BPTF: variants seen among roughly 807,000 people sequenced by gnomAD.
BPTF encodes bromodomain PHD finger transcription factor, also known as nucleosome-remodeling factor subunit BPTF.
A neutral mutation model predicts 292.5 loss-of-function variants in BPTF; 18 were observed. That is an observed-to-expected ratio of 0.06 (90% CI 0.04 to 0.09). The LOEUF (loss-of-function observed/expected upper bound fraction) is 0.09. BPTF is among the 10% of genes least tolerant of loss of function. The probability of loss-of-function intolerance (pLI) is 1.00; values close to 1 mark genes in which losing one functional copy is unlikely to be tolerated. For missense variants in BPTF, 2,726 were observed against 3,498.7 expected (o/e 0.78, Z 5.57); for synonymous variants, 1,225 against 1,251.9 (o/e 0.98, Z 0.45).
intron 12 of BPTF, 125 bp downstream of exon 12, chr17:67,918,963 G>T (rs1034818090): frequency 2.0e-4 from 195 of 974,110 alleles, no homozygotes; most frequent in African/African-American, 3.4e-5. Context: ...ATGAGGTCAG[G>T]AGATCCTGAC....
Position 67,940,549 on chromosome 17 carries a change from G to A in BPTF, c.6370G>A (p.Ala2124Thr). 1 of 1,614,044 alleles carries A rather than the reference G, an allele frequency of 6.2e-7. No homozygotes were observed. Among genetic ancestry groups the A allele is most frequent in the South Asian group, 1.1e-5 (1 of 91,078 alleles). Reference sequence around the variant, plus strand: ...ACCTGGGCAGAAAAGCTTAACTTCAGCAACGTCCACTTCAAATATACAGTC... The same window carrying A: ...ACCTGGGCAGAAAAGCTTAACTTCAACAACGTCCACTTCAAATATACAGTC... Reference protein sequence around the residue: ...STPGQKSLTSATSTSNIQSSA... With the variant: ...STPGQKSLTSTTSTSNIQSSA... The change falls in exon 19 of 28, where the codon GCA (alanine) becomes ACA (threonine). Residue 2124 changes from alanine (A) to threonine (T), a missense_variant. Ala to Thr is a moderately conservative substitution (Grantham distance 58). Coordinates refer to ENST00000306378, the MANE Select transcript of BPTF (RefSeq NM_182641.4).
intron 24 of BPTF, among the ~76,000 whole-genome samples, chr17:67,963,181 A>AG (rs2067686655): frequency 6.6e-6 from 1 of 152,126 alleles, no homozygotes; most frequent in African/African-American, 2.4e-5. Context: ...GGAGTTTGCC[A>AG]GGAGTAGAAT....
chr17:67,859,924 G>A (rs1240182745), intron 2 of BPTF, among the ~76,000 whole-genome samples: 1 of 152,142 alleles, frequency 6.6e-6, no homozygotes. Context: ...TGACTCAGAT[G>A]ACTTTTTAAG....
At chr17:67,867,031 A>G (rs758102335) in intron 3 of BPTF, among the ~76,000 whole-genome samples, 6 of 152,208 alleles carry the variant, frequency 3.9e-5, no homozygotes, top group Non-Finnish European at 8.8e-5. Context: ...AAAAGGTAAT[A>G]CGTATAATCT....
At chr17:67,944,463 T>G in intron 20 of BPTF, 91 bp downstream of exon 20, 2 of 1,398,378 alleles carry the variant, frequency 1.4e-6, no homozygotes, top group Admixed American at 1.9e-5. Context: ...TATTTACCTT[T>G]GGAAGGATAT....
At chr17:67,932,985 C>T (rs2064539751) in intron 18 of BPTF, among the ~76,000 whole-genome samples, 1 of 152,242 alleles carries the variant, frequency 6.6e-6, no homozygotes, top group Admixed American at 6.5e-5. Flanking sequence ...GGCGCAGTTG[C>T]TCATGCCTGT....
intron 16 of BPTF, 121 bp downstream of exon 16, chr17:67,928,722 A>G: frequency 7.9e-7 from 1 of 1,266,776 alleles, no homozygotes; most frequent in Non-Finnish European, 1.1e-6. Context: ...CCAGTTGAGC[A>G]AACAAGCTGT....
At chr17:67,954,998 T>G (rs1555680315) in intron 23 of BPTF, among the ~76,000 whole-genome samples, 2 of 152,132 alleles carry the variant, frequency 1.3e-5, no homozygotes, top group African/African-American at 4.8e-5. Context: ...GTGATATGTT[T>G]AAAAGCTTTG....
At chr17:67,910,252 CCATT>C (rs1267050392) in intron 10 of BPTF, among the ~76,000 whole-genome samples, 1 of 152,144 alleles carries the variant, frequency 6.6e-6, no homozygotes, top group Non-Finnish European at 1.5e-5. Flanking sequence ...ATTTTGTTAT[CCATT>C]CATCAGTTGA....
At chr17:67,850,636 G>A (rs1273807322) in intron 1 of BPTF, among the ~76,000 whole-genome samples, 1 of 152,144 alleles carries the variant, frequency 6.6e-6, no homozygotes, top group Non-Finnish European at 1.5e-5. Context: ...CAAAGTGCTA[G>A]GATTACGGGC....
chr17:67,978,513 G>C (rs1385476289), intron 27 of BPTF, among the ~76,000 whole-genome samples: 2 of 150,966 alleles, frequency 1.3e-5, no homozygotes, highest in South Asian at 4.2e-4. Context: ...TGACCAAGCC[G>C]GTCTCAAACT....
chr17:67,930,089 C>A (rs1232346176), intron 17 of BPTF, among the ~76,000 whole-genome samples: 1 of 147,620 alleles, frequency 6.8e-6, no homozygotes, highest in Non-Finnish European at 1.5e-5. Flanking sequence ...ACACTCTAGC[C>A]TGGGCAATAG....
chr17:67,890,794 CTATT>C (rs2061058737), intron 4 of BPTF, among the ~76,000 whole-genome samples: 1 of 152,194 alleles, frequency 6.6e-6, no homozygotes, highest in Non-Finnish European at 1.5e-5. Context: ...TAGTTTTTCT[CTATT>C]TACTTAAAAT....
In BPTF at chr17:67,947,968, G is replaced by A. The variant is rs1168888013; in HGVS notation, c.7701-113G>A. ...ATAACTGGTTTGAACCACTCTTGACGTTTTCCAGTCACAGAAAGTTTTTGT... is the reference window on the plus strand; with the variant it reads ...ATAACTGGTTTGAACCACTCTTGACATTTTCCAGTCACAGAAAGTTTTTGT... On this transcript the variant is annotated intron_variant, in intron 22 of 27. Transcript: ENST00000306378. The A allele has an allele frequency of 1.2e-5, 16 of 1,283,016 alleles. No homozygotes were observed. The East Asian group carries it at 1.4e-4, about 11-fold the overall frequency. The allele number at this position is 1,283,016 out of a possible 1,614,324, so 79.5% of individuals were successfully genotyped here.
In BPTF at chr17:67,928,549, G is replaced by C; in HGVS notation, c.5946G>C (p.Lys1982Asn). The C allele has an allele frequency of 3.7e-6, 6 of 1,614,124 alleles. No homozygotes were observed. Among genetic ancestry groups the C allele is most frequent in the Non-Finnish European group, 5.1e-6 (6 of 1,179,998 alleles). ...CTACAGTAACATTCCAACAAAACAA[G>C]AACTTTCATCAAACCTTTGCTACAT... is the stretch of plus-strand genomic sequence containing the variant. ...SPATVTFQQN[K>N]NFHQTFATWV... Residue 1982 changes from lysine (K) to asparagine (N), a missense_variant, in exon 16 of 28, where the codon AAG becomes AAC. Lys to Asn is a moderately conservative substitution (Grantham distance 94). Around this residue, in one of 22 missense-constraint regions of BPTF, gnomAD observed 198 missense variants for 277.1 expected, o/e 0.71. Transcript: ENST00000306378.
chr17:67,871,334 C>T (rs973250404), intron 3 of BPTF, among the ~76,000 whole-genome samples: 35 of 149,722 alleles, frequency 2.3e-4, no homozygotes, highest in South Asian at 1.5e-3. Flanking sequence ...CCTAGCTACT[C>T]GGGAAGCTGA....
intron 2 of BPTF, among the ~76,000 whole-genome samples, chr17:67,857,085 T>C (rs567166473): frequency 6.6e-6 from 1 of 152,036 alleles, no homozygotes; most frequent in East Asian, 1.9e-4. Context: ...TCATCTACTT[T>C]AAAATCTTTT....
intron 27 of BPTF, chr17:67,976,174 T>C: frequency 2.8e-6 from 1 of 359,734 alleles, no homozygotes; most frequent in Non-Finnish European, 4.8e-6. Context: ...AAGTCTTTTT[T>C]TGAAAATTCA....
intron 9 of BPTF, among the ~76,000 whole-genome samples, chr17:67,906,412 GCTAATGAGC>G (rs1179600556): frequency 1.3e-5 from 2 of 152,082 alleles, no homozygotes; most frequent in Admixed American, 6.6e-5. Context: ...TTTACAACTG[GCTAATGAGC>G]TTTAGTATTT....
Sources: allele counts gnomAD v4.1 joint callset (sites outside exome capture counted in the v4.1 genomes callset), GRCh38; gene constraint gnomAD v4.1.1; regional missense constraint gnomAD v4.1.1; transcripts MANE v1.5; gene names NCBI Gene and HGNC (gene_info 2026-07-23, HGNC 2026-07-21).